The following SPAG16 variants were observed in gnomAD, a reference collection of about 807,000 sequenced individuals.
SPAG16 encodes the protein sperm-associated antigen 16 protein.
A neutral mutation model predicts 80.4 loss-of-function variants in SPAG16; 86 were observed. The ratio of observed to expected loss-of-function variants is 1.07; its 90% CI spans 0.90 to 1.28. The LOEUF is 1.28. Among genes scored for constraint, SPAG16 ranks in the 50% most tolerant of loss-of-function variants. The probability of loss-of-function intolerance (pLI) is 0.00; values close to 1 mark genes in which losing one functional copy is unlikely to be tolerated. For missense variants in SPAG16, 870 were observed against 765.3 expected (o/e 1.14, Z -1.61); for synonymous variants, 294 against 265.9 (o/e 1.11, Z -1.03).
At chr2:213,374,564 G>C (rs1334955799) in intron 8 of SPAG16, among the ~76,000 whole-genome samples, 3 of 151,824 alleles carry the variant, frequency 2.0e-5, no homozygotes, top group African/African-American at 7.3e-5. Context: ...ATATTACCCT[G>C]TGTTTTTCCT....
At chr2:214,104,379 T>C (rs936933377) in intron 13 of SPAG16, among the ~76,000 whole-genome samples, 3 of 152,152 alleles carry the variant, frequency 2.0e-5, no homozygotes, top group African/African-American at 7.2e-5. Context: ...ATTCAGCTTT[T>C]GTTGGTTGCT....
intron 11 of SPAG16, among the ~76,000 whole-genome samples, chr2:213,929,639 C>A (rs1280920667): frequency 2.0e-5 from 3 of 150,144 alleles, no homozygotes; most frequent in African/African-American, 7.3e-5. Context: ...TCATCCAGAG[C>A]CTAATATATA....
intron 7 of SPAG16, among the ~76,000 whole-genome samples, chr2:213,359,961 G>T (rs2125100400): frequency 6.6e-6 from 1 of 152,262 alleles, no homozygotes; most frequent in East Asian, 1.9e-4. Flanking sequence ...ATATGGAACA[G>T]TTAGTCCCAC....
At chr2:213,459,412 G>A (rs2072230004) in intron 9 of SPAG16, among the ~76,000 whole-genome samples, 1 of 152,176 alleles carries the variant, frequency 6.6e-6, no homozygotes, top group South Asian at 2.1e-4. Context: ...CATCTTGCAG[G>A]CAACTGTGCT....
intron 10 of SPAG16, among the ~76,000 whole-genome samples, chr2:213,522,825 T>C (rs1178233981): frequency 1.3e-5 from 2 of 148,410 alleles, no homozygotes; most frequent in East Asian, 1.9e-4. Flanking sequence ...AACAAACTTA[T>C]ATATATATAA....
chr2:214,121,238 G>A lies in SPAG16; in HGVS notation c.1593+12977G>A, dbSNP rs186010207. On this transcript the variant is annotated intron_variant, in intron 14 of 15. Coordinates refer to ENST00000331683, the MANE Select transcript of SPAG16 (RefSeq NM_024532.5). ...GAATAAATAAATGAATGCTGAATTC[G>A]GAACAAATATAAGCACAAGGCTTTC... 1.5e-3 allele frequency among the ~76,000 whole-genome samples: 233 copies of A among 151,740 alleles called. 3 individuals carry two copies. The highest frequency in any genetic ancestry group is 5.2e-3 in the African/African-American group (217 of 41,464).
At chr2:213,585,445 T>G (rs2060436280) in intron 10 of SPAG16, among the ~76,000 whole-genome samples, 1 of 151,764 alleles carries the variant, frequency 6.6e-6, no homozygotes, top group Non-Finnish European at 1.5e-5. Flanking sequence ...CCTGGCTAAT[T>G]TTTATATTCT....
chr2:213,619,930 G>A (rs1282910837), intron 10 of SPAG16, among the ~76,000 whole-genome samples: 1 of 152,144 alleles, frequency 6.6e-6, no homozygotes, highest in Non-Finnish European at 1.5e-5. Flanking sequence ...ATCAACGGAT[G>A]AATGGATAAA....
intron 15 of SPAG16, among the ~76,000 whole-genome samples, chr2:214,342,747 AG>A (rs1351103796): frequency 1.3e-5 from 2 of 152,328 alleles, no homozygotes; most frequent in African/African-American, 4.8e-5. Context: ...GGTACCAAAA[AG>A]GTTGGGAACC....
chr2:214,029,254 G>C (rs2048290353), intron 13 of SPAG16, among the ~76,000 whole-genome samples: 1 of 152,018 alleles, frequency 6.6e-6, no homozygotes, highest in African/African-American at 2.4e-5. Context: ...GTATGTGTTT[G>C]AGGATCAAGC....
At chr2:213,958,804 A>G (rs1398701522) in intron 12 of SPAG16, among the ~76,000 whole-genome samples, 1 of 152,190 alleles carries the variant, frequency 6.6e-6, no homozygotes, top group Non-Finnish European at 1.5e-5. Flanking sequence ...TATTGCTACT[A>G]TAACATTAGC....
rs201714946 is a variant in SPAG16, at chr2:214,028,978, A to G, written c.1527+14901A>G. 1.1e-4 allele frequency among the ~76,000 whole-genome samples: 17 copies of G among 152,060 alleles called. No homozygotes were observed. In the East Asian group the frequency reaches 3.3e-3, roughly 29 times the overall value. On this transcript the variant is annotated intron_variant, in intron 13 of 15. Coordinates refer to ENST00000331683, the MANE Select transcript of SPAG16 (RefSeq NM_024532.5). ...GACTAAAGTCTCTGCCTTTGGGGAG[A>G]CTTTTAGTAGAAGGAGAAAGATAAA...
intron 10 of SPAG16, among the ~76,000 whole-genome samples, chr2:213,798,035 C>A (rs1054122094): frequency 3.3e-5 from 5 of 152,162 alleles, no homozygotes; most frequent in African/African-American, 1.2e-4. Context: ...GGCATTGTGG[C>A]CATTACTTGC....
rs535872626 is a variant in SPAG16 at position 213,869,186 on chromosome 2, G to C, written c.1214+6558G>C. ...GAGAATCACTTGAACCCGGGAGGCG[G>C]AGGTTGCAGTGAGTTGAGATCGCGC... On this transcript the variant is annotated intron_variant, in intron 11 of 15. Transcript: ENST00000331683. Among the ~76,000 whole-genome samples, 5 of 148,822 alleles carry C rather than the reference G, an allele frequency of 3.4e-5. 1 individual carries two copies. In the South Asian group the frequency reaches 1.1e-3, roughly 32 times the overall value.
At chr2:213,629,654 T>C (rs1261465857) in intron 10 of SPAG16, among the ~76,000 whole-genome samples, 2 of 152,248 alleles carry the variant, frequency 1.3e-5, no homozygotes, top group African/African-American at 4.8e-5. Context: ...CCTTCAGATC[T>C]ATTCCTCATG....
intron 10 of SPAG16, among the ~76,000 whole-genome samples, chr2:213,502,555 T>A (rs1421415418): frequency 1.3e-5 from 2 of 152,206 alleles, no homozygotes; most frequent in Non-Finnish European, 2.9e-5. Flanking sequence ...AAAATGTGAT[T>A]TATGAATTAG....
intron 10 of SPAG16, among the ~76,000 whole-genome samples, chr2:213,780,706 A>T (rs145606769): frequency 1.7e-4 from 25 of 150,964 alleles, no homozygotes; most frequent in Non-Finnish European, 3.1e-4. Flanking sequence ...TAATTTATGT[A>T]CTATTACCTT....
intron 10 of SPAG16, among the ~76,000 whole-genome samples, chr2:213,844,264 T>G (rs764065192): frequency 1.3e-5 from 2 of 152,166 alleles, no homozygotes; most frequent in Non-Finnish European, 2.9e-5. Flanking sequence ...ACACAAAAGT[T>G]TTATCTCAGC....
chr2:214,384,251 T>G (rs1173859734), intron 15 of SPAG16, among the ~76,000 whole-genome samples: 2 of 152,236 alleles, frequency 1.3e-5, no homozygotes, highest in East Asian at 3.8e-4. Context: ...CTGCACTGTT[T>G]GTTATAATGC....
Sources: gnomAD v4.1 joint callset for allele counts (sites outside exome capture counted in the v4.1 genomes callset) on GRCh38, gnomAD v4.1.1 for gene constraint, MANE v1.5 for transcripts, NCBI Gene and HGNC (gene_info 2026-07-23, HGNC 2026-07-21) for gene names.